The following MAML2 variants were observed in gnomAD, a reference collection of about 807,000 sequenced individuals.
MAML2 encodes mastermind like transcriptional coactivator 2.
MAML2 carries 22 observed loss-of-function variants against 96.1 expected under a neutral mutation model. The ratio of observed to expected loss-of-function variants is 0.23; its 90% CI spans 0.16 to 0.33. MAML2 has a LOEUF of 0.33. MAML2 is among the 10% of genes least tolerant of loss of function. The pLI, the probability that MAML2 is intolerant of heterozygous loss-of-function variation, is 1.00. For missense variants in MAML2, 1,367 were observed against 1,392.4 expected, an observed-to-expected ratio of 0.98 and a Z score of 0.29; for synonymous variants, 561 against 521.3, an observed-to-expected ratio of 1.08 and a Z score of -1.04.
At chr11:96,151,142 T>C (rs889871694) in intron 1 of MAML2, among the ~76,000 whole-genome samples, 1 of 152,186 alleles carries the variant, frequency 6.6e-6, no homozygotes, top group African/African-American at 2.4e-5. Flanking sequence ...AATTTTCACT[T>C]TCTTCTAGCC....
intron 1 of MAML2, among the ~76,000 whole-genome samples, chr11:96,243,315 A>AGGAGGCGGG (rs1467497537): frequency 6.6e-6 from 1 of 152,178 alleles, no homozygotes; most frequent in Non-Finnish European, 1.5e-5. Context: ...AAGCAGAGCA[A>AGGAGGCGGG]GGAGGCGGGG....
At chr11:96,003,933 C>T (rs1352239443) in intron 2 of MAML2, among the ~76,000 whole-genome samples, 1 of 152,094 alleles carries the variant, frequency 6.6e-6, no homozygotes, top group Non-Finnish European at 1.5e-5. Context: ...CTCACTTAAA[C>T]TTAGTAATAG....
chr11:95,999,764 T>C (rs1198187467), intron 2 of MAML2, among the ~76,000 whole-genome samples: 2 of 152,138 alleles, frequency 1.3e-5, no homozygotes, highest in Admixed American at 6.6e-5. Context: ...CCTTTCTTTT[T>C]CTTGGCTTCT....
At chr11:96,015,660 C>T (rs1184116680) in intron 2 of MAML2, among the ~76,000 whole-genome samples, 1 of 150,820 alleles carries the variant, frequency 6.6e-6, no homozygotes, top group East Asian at 1.9e-4. Flanking sequence ...TCCTTTATGC[C>T]ATGGGGAAGA....
In MAML2 at chr11:96,341,686, T is replaced by C. The variant is rs778179629; in HGVS notation, c.210A>G (p.Arg70=). 11 of 1,600,940 alleles carry C rather than the reference T, an allele frequency of 6.9e-6. No individual in the cohort carries two copies. Among genetic ancestry groups the C allele is most frequent in the Non-Finnish European group, 9.4e-6 (11 of 1,173,596 alleles). ...GGCTCAGGAGCTGCAAGGTGCTTTC[T>C]CTTTCCCGGTCTGAGCTCTCGGCCC... ...RGRAESSDRE[R]ESTLQLLSLV... is the part of the protein sequence containing the mutation. Residue 70 remains arginine, a synonymous_variant, in exon 1 of 5, where the codon AGA becomes AGG. Transcript: ENST00000524717.
chr11:96,191,667 G>A (rs1487656345), intron 1 of MAML2, among the ~76,000 whole-genome samples: 1 of 149,970 alleles, frequency 6.7e-6, no homozygotes, highest in East Asian at 2.0e-4. Flanking sequence ...AGCTACTCGG[G>A]AAGCTGAGGC....
chr11:96,110,143 T>C (rs1011885476), intron 1 of MAML2, among the ~76,000 whole-genome samples: 11 of 152,044 alleles, frequency 7.2e-5, no homozygotes, highest in African/African-American at 2.7e-4. Context: ...TGATTGTGAT[T>C]GGGGGCAGGT....
intron 2 of MAML2, among the ~76,000 whole-genome samples, chr11:96,083,722 G>C (rs1859563032): frequency 6.6e-6 from 1 of 152,182 alleles, no homozygotes. Context: ...CAACAACTAA[G>C]TTTTGGGTCC....
chr11:96,202,094 G>A (rs1476499455), intron 1 of MAML2, among the ~76,000 whole-genome samples: 1 of 150,128 alleles, frequency 6.7e-6, no homozygotes, highest in Non-Finnish European at 1.5e-5. Context: ...AGCACTTTGG[G>A]AGGCCGAGGC....
intron 1 of MAML2, among the ~76,000 whole-genome samples, chr11:96,223,350 C>A (rs1862167430): frequency 6.6e-6 from 1 of 152,124 alleles, no homozygotes; most frequent in African/African-American, 2.4e-5. Flanking sequence ...TCAAGAATGA[C>A]AGCTTTCCAT....
At chr11:95,998,719 T>C (rs1858036218) in intron 2 of MAML2, among the ~76,000 whole-genome samples, 2 of 152,164 alleles carry the variant, frequency 1.3e-5, no homozygotes, top group Admixed American at 6.5e-5. Context: ...AGGAGACCAT[T>C]TGGTAAATCA....
intron 2 of MAML2, among the ~76,000 whole-genome samples, chr11:96,015,345 G>T (rs544478854): frequency 2.0e-5 from 3 of 152,232 alleles, no homozygotes; most frequent in Admixed American, 2.0e-4. Context: ...CCAAACCCCA[G>T]TTTCCTCATC....
At position 96,029,209 on chromosome 11, in the gene MAML2, T is replaced by G. The variant is rs147156782; in HGVS notation, c.2140-37486A>C. Among the ~76,000 whole-genome samples the G allele has an allele frequency of 2.5e-3, 383 of 152,000 alleles. 3 individuals are homozygous for G. The highest frequency in any genetic ancestry group is 8.7e-3 in the African/African-American group (362 of 41,478). On this transcript the variant is annotated intron_variant, in intron 2 of 4. Transcript: ENST00000524717. The stretch of plus-strand genomic sequence containing the variant: ...ATCAAATAATAATAAAAAAAAAACT[T>G]TGTTGAAGGACTGTGGATTTTCAAT...
chr11:96,085,948 C>T (rs896525317), intron 2 of MAML2, among the ~76,000 whole-genome samples: 1 of 152,090 alleles, frequency 6.6e-6, no homozygotes, highest in Non-Finnish European at 1.5e-5. Flanking sequence ...AGTAGAATAT[C>T]CAGCAAAGAG....
At chr11:96,265,795 C>A (rs566995946) in intron 1 of MAML2, among the ~76,000 whole-genome samples, 1 of 152,282 alleles carries the variant, frequency 6.6e-6, no homozygotes, top group African/African-American at 2.4e-5. Flanking sequence ...GCGCTCGGCC[C>A]CCAAGCGGCC....
Position 95,991,667 on chromosome 11 carries a change from G to C in MAML2, c.2196C>G (p.Cys732Trp). 6.2e-7 allele frequency: 1 copy of C among 1,613,764 alleles called. No homozygotes were observed. The highest frequency in any genetic ancestry group is 8.5e-7 in the Non-Finnish European group (1 of 1,179,740). Residue 732 changes from cysteine to tryptophan, a missense_variant, in exon 3 of 5, where the codon TGC becomes TGG. Transcript: ENST00000524717. The stretch of plus-strand genomic sequence containing the variant: ...AACCACTTCCAGTGTTTGGATTTGA[G>C]CAGGGGTTAGGACTTGGACTGGGGC... ...NTGPSPSPNP[C>W]SNPNTGSGYM...
rs920646177 is a variant in MAML2, at chr11:96,217,714, C to T, written c.513+123669G>A. On this transcript the variant is annotated intron_variant, in intron 1 of 4. Transcript: ENST00000524717. ...GAATACATTACCCTGATGGAGTGAACGCCTTTTGAAACCACAGCTTCGTTC... is the reference window on the plus strand; with the variant it reads ...GAATACATTACCCTGATGGAGTGAATGCCTTTTGAAACCACAGCTTCGTTC... Among the ~76,000 whole-genome samples the T allele has an allele frequency of 5.9e-5, 9 of 152,270 alleles. No homozygotes were observed. In the South Asian group the frequency reaches 6.2e-4, roughly 11 times the overall value.
chr11:96,169,601 C>A (rs1242707163), intron 1 of MAML2, among the ~76,000 whole-genome samples: 2 of 152,032 alleles, frequency 1.3e-5, no homozygotes, highest in East Asian at 3.9e-4. Flanking sequence ...TTCTTAACCT[C>A]TATTTCTGTT....
At chr11:96,338,015 G>A (rs1032375124) in intron 1 of MAML2, among the ~76,000 whole-genome samples, 4 of 152,140 alleles carry the variant, frequency 2.6e-5, no homozygotes, top group African/African-American at 7.2e-5. Flanking sequence ...TCCTCCACAT[G>A]ACATTAGAGA....
Sources: gnomAD v4.1 joint callset for allele counts (sites outside exome capture counted in the v4.1 genomes callset) on GRCh38, gnomAD v4.1.1 for gene constraint, MANE v1.5 for transcripts, NCBI Gene and HGNC (gene_info 2026-07-23, HGNC 2026-07-21) for gene names.